WDR64: variants seen among roughly 807,000 people sequenced by gnomAD.
The protein encoded by WDR64 is WD repeat-containing protein 64.
A neutral mutation model predicts 139.3 loss-of-function variants in WDR64; 112 were observed. The observed-to-expected ratio is 0.80, with a 90% CI of 0.69 to 0.94. The LOEUF (loss-of-function observed/expected upper bound fraction) is 0.94, where lower values mean the gene tolerates loss of function less well. Ranked by LOEUF, WDR64 falls within the 40% of genes least tolerant of loss-of-function variation. WDR64 has a pLI of 0.00. For missense variants in WDR64, 1,206 were observed against 1,293.1 expected (o/e 0.93, Z 1.03); for synonymous variants, 444 against 437.7 (o/e 1.01, Z -0.18).
At chr1:241,770,388 G>A in intron 17 of WDR64, 1 of 396,624 alleles carries the variant, frequency 2.5e-6, no homozygotes, top group East Asian at 4.0e-5. Context: ...TTTATTTTCT[G>A]ACAAAGGGAG....
rs1304109028 is a variant in WDR64, at chr1:241,738,479, G to A, written c.1311G>A (p.Met437Ile). Residue 437 changes from methionine (M) to isoleucine (I), a missense_variant, in exon 11 of 28, where the codon ATG becomes ATA. Physicochemically the swap from Met to Ile is conservative, Grantham distance 10. Coordinates refer to ENST00000437684, the MANE Select transcript of WDR64 (RefSeq NM_001367482.1). The stretch of plus-strand genomic sequence containing the variant: ...TGATATATGATGCCAATCATGGCAT[G>A]CTTATTACGGGTAAGTGTACCCAAT... ...YSMIYDANHG[M>I]LITGSSVMDM... 3.1e-6 allele frequency: 5 copies of A among 1,609,676 alleles called. No individual in the cohort carries two copies. The highest frequency in any genetic ancestry group is 3.4e-5 in the Admixed American group (2 of 59,196).
chr1:241,776,787 T>C (rs1476120579), intron 21 of WDR64, among the ~76,000 whole-genome samples: 3 of 152,330 alleles, frequency 2.0e-5, no homozygotes, highest in South Asian at 2.1e-4. Context: ...TTTGAAACTA[T>C]AGAATTCCCA....
intron 25 of WDR64, 103 bp from the exon 26 acceptor site, chr1:241,795,104 G>T: frequency 1.1e-6 from 1 of 930,710 alleles, no homozygotes; most frequent in Non-Finnish European, 1.7e-6. Context: ...AGTCCCTTAA[G>T]ATCACACATC....
chr1:241,667,366 T>A (rs1240561262), intron 2 of WDR64, among the ~76,000 whole-genome samples: 1 of 152,224 alleles, frequency 6.6e-6, no homozygotes, highest in African/African-American at 2.4e-5. Flanking sequence ...CTGGCGGAAT[T>A]CTGAAGGTGC....
intron 15 of WDR64, among the ~76,000 whole-genome samples, chr1:241,760,644 G>A (rs1034067501): frequency 1.3e-5 from 2 of 149,316 alleles, no homozygotes; most frequent in African/African-American, 4.9e-5. Flanking sequence ...GTCCAAGCAT[G>A]TATTAGCAAG....
chr1:241,768,583 A>C (rs971030814), intron 16 of WDR64, among the ~76,000 whole-genome samples: 11 of 152,262 alleles, frequency 7.2e-5, no homozygotes, highest in Admixed American at 5.9e-4. Flanking sequence ...TCAACAAGTC[A>C]TCAAGCTTGT....
rs190360823 is a variant in WDR64 at position 241,693,891 on chromosome 1, A to C, written c.974+6296A>C. Among the ~76,000 whole-genome samples, 613 of 152,250 alleles carry C rather than the reference A, an allele frequency of 4.0e-3. 5 individuals are homozygous for C. The highest frequency in any genetic ancestry group is 0.014 in the African/African-American group (584 of 41,546). On this transcript the variant is annotated intron_variant, in intron 8 of 27. Coordinates refer to ENST00000437684, the MANE Select transcript of WDR64 (RefSeq NM_001367482.1). The stretch of plus-strand genomic sequence containing the variant: ...CCATTCTTAAAAATTTATTTTCAAA[A>C]CCCTAATAAATTTTTCTGAATTTCA...
intron 23 of WDR64, among the ~76,000 whole-genome samples, chr1:241,787,034 T>C (rs1045469271): frequency 5.9e-5 from 9 of 152,022 alleles, no homozygotes; most frequent in African/African-American, 2.2e-4. Flanking sequence ...CCCAAAAAGT[T>C]TGCAGACTAC....
chr1:241,719,351 T>C (rs926790235), intron 9 of WDR64, among the ~76,000 whole-genome samples: 58 of 152,262 alleles, frequency 3.8e-4, no homozygotes, highest in African/African-American at 1.4e-3. Flanking sequence ...TCAAGGCACC[T>C]GGAGTCTAAT....
At chr1:241,726,271 TTAAA>T (rs1168296082) in intron 10 of WDR64, among the ~76,000 whole-genome samples, 1 of 151,582 alleles carries the variant, frequency 6.6e-6, no homozygotes, top group African/African-American at 2.4e-5. Context: ...AAATTAATTT[TTAAA>T]AAAAGAGCAA....
chr1:241,729,291 A>G (rs1334428704), intron 10 of WDR64, among the ~76,000 whole-genome samples: 1 of 152,140 alleles, frequency 6.6e-6, no homozygotes, highest in Non-Finnish European at 1.5e-5. Flanking sequence ...GCCCATTAGA[A>G]AGCACTTGTA....
At chr1:241,744,749 T>C (rs1404312979) in intron 13 of WDR64, among the ~76,000 whole-genome samples, 12 of 152,220 alleles carry the variant, frequency 7.9e-5, no homozygotes, top group Admixed American at 7.9e-4. Context: ...ACATAGTTGC[T>C]TTAACAGTTT....
intron 10 of WDR64, among the ~76,000 whole-genome samples, chr1:241,731,004 C>A (rs1267323713): frequency 1.3e-5 from 2 of 152,086 alleles, no homozygotes; most frequent in Non-Finnish European, 2.9e-5. Flanking sequence ...ATATTCACAA[C>A]CTTTGACACA....
At position 241,680,498 on chromosome 1, in the gene WDR64, C is replaced by A. The variant is rs145679928; in HGVS notation, c.624+903C>A. On this transcript the variant is annotated intron_variant, in intron 6 of 27. Coordinates refer to ENST00000437684, the MANE Select transcript of WDR64 (RefSeq NM_001367482.1). ...AACTTTGATCATTACCTCTTCTCCT[C>A]ATGCTGTTCTGTTTTCACTCTTGCT... 3.6e-3 allele frequency among the ~76,000 whole-genome samples: 550 copies of A among 152,296 alleles called. 6 individuals are homozygous for A. The highest frequency in any genetic ancestry group is 0.013 in the African/African-American group (538 of 41,566).
chr1:241,748,949 A>AAG (rs1669874012), intron 13 of WDR64, among the ~76,000 whole-genome samples: 2 of 150,180 alleles, frequency 1.3e-5, no homozygotes, highest in African/African-American at 5.0e-5. Context: ...AAAAAAAAAA[A>AAG]AAAGAAAGAA....
chr1:241,675,070 CCTG>C (rs1281799147), intron 4 of WDR64, among the ~76,000 whole-genome samples: 6 of 92,482 alleles, frequency 6.5e-5, no homozygotes, highest in African/African-American at 2.5e-4. Context: ...CTTCCTCCTT[CCTG>C]CCTCCCTCCC....
intron 9 of WDR64, among the ~76,000 whole-genome samples, chr1:241,719,949 C>G (rs1404802026): frequency 1.3e-5 from 2 of 152,114 alleles, no homozygotes; most frequent in African/African-American, 4.8e-5. Flanking sequence ...TCTTCCTGAT[C>G]CTCTCTCTTC....
intron 7 of WDR64, among the ~76,000 whole-genome samples, chr1:241,686,171 C>T (rs530211126): frequency 6.6e-6 from 1 of 152,020 alleles, no homozygotes; most frequent in Non-Finnish European, 1.5e-5. Context: ...TTTCTTACAC[C>T]AAGAGATCTT....
Position 241,682,849 on chromosome 1 carries a change from C to A in WDR64, c.625-638C>A, listed in dbSNP as rs954962430. ...ATGCACTTCTACCAGAATAGTAGCT[C>A]TACAAAGTCAGAAACTGTCTTGTAC... On this transcript the variant is annotated intron_variant, in intron 6 of 27. Transcript: ENST00000437684. 1.3e-5 allele frequency among the ~76,000 whole-genome samples: 2 copies of A among 152,130 alleles called. 1 individual carries two copies. The highest frequency in any genetic ancestry group is 4.1e-4 in the South Asian group (2 of 4,828).
Sources: allele counts gnomAD v4.1 joint callset (sites outside exome capture counted in the v4.1 genomes callset), GRCh38; gene constraint gnomAD v4.1.1; transcripts MANE v1.5; gene names NCBI Gene and HGNC (gene_info 2026-07-23, HGNC 2026-07-21).